SOBP: variants seen among roughly 807,000 people sequenced by gnomAD.
The protein encoded by SOBP is sine oculis-binding protein homolog.
A neutral mutation model predicts 53.6 loss-of-function variants in SOBP; 4 were observed. That is an observed-to-expected ratio of 0.07 (90% CI 0.04 to 0.17). The LOEUF is 0.17. Among genes scored for constraint, SOBP ranks in the 10% least tolerant of loss-of-function variants. The pLI, the probability that SOBP is intolerant of heterozygous loss-of-function variation, is 1.00. For missense variants in SOBP, 1,088 were observed against 1,204.7 expected, an observed-to-expected ratio of 0.90 and a Z score of 1.43; for synonymous variants, 584 against 522.6, an observed-to-expected ratio of 1.12 and a Z score of -1.60.
chr6:107,580,724 C>T (rs927873918), intron 4 of SOBP, among the ~76,000 whole-genome samples: 4 of 152,098 alleles, frequency 2.6e-5, no homozygotes, highest in Non-Finnish European at 5.9e-5. Context: ...AAACGTGGGG[C>T]AAAAAGATGA....
In SOBP at chr6:107,513,292, T is replaced by C. The variant is rs537602049; in HGVS notation, c.421+6865T>C. Among the ~76,000 whole-genome samples the C allele has an allele frequency of 1.7e-3, 253 of 152,230 alleles. 3 individuals are homozygous for C. Among genetic ancestry groups the C allele is most frequent in the Non-Finnish European group, 1.4e-3 (94 of 68,032 alleles). ...CCATTATAGTCAGGGAAATATGATATATATTTTCAGGCAAATCTTGAAATT... is the reference window on the plus strand; with the variant it reads ...CCATTATAGTCAGGGAAATATGATACATATTTTCAGGCAAATCTTGAAATT... On this transcript the variant is annotated intron_variant, in intron 3 of 6. Coordinates refer to ENST00000317357, the MANE Select transcript of SOBP (RefSeq NM_018013.4).
intron 3 of SOBP, chr6:107,514,188 A>G (rs994202381): frequency 1.3e-5 from 2 of 152,244 alleles, no homozygotes; most frequent in East Asian, 1.9e-4. Context: ...ACTACCAAGA[A>G]CTTAATAGTA....
chr6:107,586,071 T>TC (rs1311893396), intron 4 of SOBP, among the ~76,000 whole-genome samples: 1 of 152,236 alleles, frequency 6.6e-6, no homozygotes, highest in Non-Finnish European at 1.5e-5. Context: ...TGTGCGGCTC[T>TC]CCCTGTGTTT....
intron 5 of SOBP, among the ~76,000 whole-genome samples, chr6:107,604,623 T>A (rs912783405): frequency 2.0e-5 from 3 of 151,626 alleles, no homozygotes; most frequent in Non-Finnish European, 4.4e-5. Flanking sequence ...CCCACCTCCT[T>A]CTCTTTGGAA....
At chr6:107,645,086 G>A (rs763503699) in intron 6 of SOBP, among the ~76,000 whole-genome samples, 23 of 152,152 alleles carry the variant, frequency 1.5e-4, no homozygotes, top group Non-Finnish European at 2.8e-4. Flanking sequence ...TTCTCATCCT[G>A]ATTTTGACAG....
intron 5 of SOBP, among the ~76,000 whole-genome samples, chr6:107,616,057 G>A (rs1786773437): frequency 8.1e-6 from 1 of 123,942 alleles, no homozygotes; most frequent in Non-Finnish European, 1.6e-5. Context: ...GAAAAAAAAA[G>A]GATGCCTACT....
At position 107,559,951 on chromosome 6, in the gene SOBP, C is replaced by A. The variant is rs541615357; in HGVS notation, c.573+26341C>A. Among the ~76,000 whole-genome samples the A allele has an allele frequency of 2.0e-5, 3 of 151,998 alleles. No individual in the cohort carries two copies. In the South Asian group the frequency reaches 6.2e-4, roughly 32 times the overall value. On this transcript the variant is annotated intron_variant, in intron 4 of 6. Transcript: ENST00000317357. ...ACTGTGTTCAATGCACTGCATAGAA[C>A]TGAGTTATGACTTTATTCAGGGGGC... is the stretch of plus-strand genomic sequence containing the variant.
At chr6:107,614,026 G>A (rs1209969725) in intron 5 of SOBP, among the ~76,000 whole-genome samples, 1 of 152,196 alleles carries the variant, frequency 6.6e-6, no homozygotes, top group Non-Finnish European at 1.5e-5. Flanking sequence ...GTTTCATCTT[G>A]TGTCACATGT....
intron 4 of SOBP, among the ~76,000 whole-genome samples, chr6:107,534,064 A>C (rs1235696910): frequency 6.6e-6 from 1 of 152,246 alleles, no homozygotes; most frequent in Non-Finnish European, 1.5e-5. Flanking sequence ...CTGGCCCACG[A>C]GTTCTTGTCA....
intron 6 of SOBP, among the ~76,000 whole-genome samples, chr6:107,650,090 A>G (rs901035376): frequency 6.6e-6 from 1 of 152,260 alleles, no homozygotes; most frequent in African/African-American, 2.4e-5. Context: ...AAAATAAGGG[A>G]TATAGCTAAA....
intron 1 of SOBP, among the ~76,000 whole-genome samples, chr6:107,495,233 C>T (rs903680709): frequency 5.3e-5 from 8 of 152,178 alleles, no homozygotes; most frequent in African/African-American, 1.9e-4. Flanking sequence ...TAGCCCTGGC[C>T]TCTTGGGAGC....
intron 6 of SOBP, chr6:107,636,379 G>A (rs1457965815): frequency 6.6e-6 from 1 of 152,294 alleles, no homozygotes; most frequent in African/African-American, 2.4e-5. Context: ...TAACATGTGT[G>A]CCTGTCATAG....
intron 3 of SOBP, among the ~76,000 whole-genome samples, chr6:107,513,426 G>T (rs1032504356): frequency 4.6e-5 from 7 of 152,152 alleles, no homozygotes; most frequent in African/African-American, 1.7e-4. Flanking sequence ...GTAACCCACA[G>T]TTAATAAGCA....
At chr6:107,527,657 T>G (rs1054648090) in intron 3 of SOBP, among the ~76,000 whole-genome samples, 1 of 152,214 alleles carries the variant, frequency 6.6e-6, no homozygotes, top group Non-Finnish European at 1.5e-5. Context: ...CGACTTACTC[T>G]TGTCACACAC....
At chr6:107,545,324 T>C (rs1485293255) in intron 4 of SOBP, among the ~76,000 whole-genome samples, 1 of 152,176 alleles carries the variant, frequency 6.6e-6, no homozygotes, top group Non-Finnish European at 1.5e-5. Context: ...TGGGTAATGA[T>C]GAATTCCAGG....
intron 3 of SOBP, among the ~76,000 whole-genome samples, chr6:107,523,083 A>G (rs1783561207): frequency 6.6e-6 from 1 of 152,190 alleles, no homozygotes; most frequent in African/African-American, 2.4e-5. Flanking sequence ...TGGACATAGT[A>G]GCTCATGAAA....
rs76737847 is a variant in SOBP, at chr6:107,496,300, G to A, written c.96+5588G>A. 4.1e-3 allele frequency among the ~76,000 whole-genome samples: 625 copies of A among 152,262 alleles called. 6 individuals carry two copies. Among genetic ancestry groups the A allele is most frequent in the African/African-American group, 0.015 (605 of 41,552 alleles). On this transcript the variant is annotated intron_variant, in intron 1 of 6. Coordinates refer to ENST00000317357, the MANE Select transcript of SOBP (RefSeq NM_018013.4). Reference sequence around the variant, plus strand: ...ATGCCTGCCACAATGTTAGCCTGAGGGCTGGTATTCACAATTTCACAGCAT... The same window carrying A: ...ATGCCTGCCACAATGTTAGCCTGAGAGCTGGTATTCACAATTTCACAGCAT...
intron 5 of SOBP, among the ~76,000 whole-genome samples, chr6:107,606,931 G>T (rs2115094511): frequency 6.6e-6 from 1 of 152,342 alleles, no homozygotes; most frequent in African/African-American, 2.4e-5. Flanking sequence ...GAACAGGTGA[G>T]GGAGCTTTGT....
intron 5 of SOBP, among the ~76,000 whole-genome samples, chr6:107,607,470 AG>A (rs1786427539): frequency 2.0e-5 from 3 of 152,362 alleles, no homozygotes; most frequent in African/African-American, 7.2e-5. Context: ...GCATTGTTGC[AG>A]AAAAAAATTA....
Sources: gnomAD v4.1 joint callset for allele counts (sites outside exome capture counted in the v4.1 genomes callset) on GRCh38, gnomAD v4.1.1 for gene constraint, MANE v1.5 for transcripts, NCBI Gene and HGNC (gene_info 2026-07-23, HGNC 2026-07-21) for gene names.